Variants in TRAPPC9 observed in about 807,000 individuals in gnomAD.
TRAPPC9 encodes IKK2 binding protein.
A neutral mutation model predicts 124.0 loss-of-function variants in TRAPPC9; 83 were observed. The ratio of observed to expected loss-of-function variants is 0.67; its 90% CI spans 0.56 to 0.80. The LOEUF (loss-of-function observed/expected upper bound fraction) is 0.80. Ranked by LOEUF, TRAPPC9 falls within the 30% of genes least tolerant of loss-of-function variation. The pLI, the probability that TRAPPC9 is intolerant of heterozygous loss-of-function variation, is 0.00. For synonymous variants in TRAPPC9, 638 were observed against 617.5 expected, an observed-to-expected ratio of 1.03 and a Z score of -0.49; for missense variants, 1,302 against 1,508.3, an observed-to-expected ratio of 0.86 and a Z score of 2.27.
chr8:140,417,562 C>A (rs1252918821), intron 5 of TRAPPC9, among the ~76,000 whole-genome samples: 2 of 152,204 alleles, frequency 1.3e-5, no homozygotes, highest in Non-Finnish European at 2.9e-5. Context: ...CAGGAAACAA[C>A]AGATGCTGGA....
At position 139,729,437 on chromosome 8, in the gene TRAPPC9, G is replaced by C. The variant is rs117498339; in HGVS notation, c.*1624C>G. On this transcript the variant is annotated 3_prime_UTR_variant, in exon 23 of 23. Coordinates refer to ENST00000438773, the MANE Select transcript of TRAPPC9 (RefSeq NM_001160372.4). The stretch of plus-strand genomic sequence containing the variant: ...CCTGAACGGAAGGGCTGAAGAGACC[G>C]CCCTGGGGTCTCCACCCCCTACTGC... Among the ~76,000 whole-genome samples, 1 of 152,182 alleles carries C rather than the reference G, an allele frequency of 6.6e-6. No homozygotes were observed.
chr8:140,350,283 C>T (rs941712571), intron 9 of TRAPPC9, among the ~76,000 whole-genome samples: 1 of 152,210 alleles, frequency 6.6e-6, no homozygotes, highest in Non-Finnish European at 1.5e-5. Context: ...CCACTTCCAC[C>T]CTCCATCAAG....
chr8:140,430,164 G>T (rs994307471), intron 4 of TRAPPC9, among the ~76,000 whole-genome samples: 1 of 151,160 alleles, frequency 6.6e-6, no homozygotes, highest in Non-Finnish European at 1.5e-5. Flanking sequence ...AAAAAAAAAT[G>T]TTATCTGTTA....
At chr8:139,986,258 C>A (rs76160629) in intron 19 of TRAPPC9, among the ~76,000 whole-genome samples, 7,299 of 151,708 alleles carry the variant, frequency 0.048, 208 homozygotes, top group African/African-American at 0.076. Context: ...AACAAAAAAC[C>A]AAAAAACAAA....
intron 17 of TRAPPC9, among the ~76,000 whole-genome samples, chr8:140,092,398 T>C (rs1844631580): frequency 6.6e-6 from 1 of 152,192 alleles, no homozygotes; most frequent in African/African-American, 2.4e-5. Context: ...GTTTTCACCA[T>C]GTTGGCCAGG....
At chr8:140,236,120 T>A (rs1010592653) in intron 16 of TRAPPC9, among the ~76,000 whole-genome samples, 4 of 148,576 alleles carry the variant, frequency 2.7e-5, no homozygotes, top group African/African-American at 1.0e-4. Context: ...TCTCACTTTG[T>A]CACCCAGGCT....
chr8:140,135,236 A>G (rs2061279790), intron 17 of TRAPPC9, among the ~76,000 whole-genome samples: 1 of 152,188 alleles, frequency 6.6e-6, no homozygotes, highest in African/African-American at 2.4e-5. Context: ...TGGTGCAACC[A>G]ATGTGGAAAC....
chr8:139,863,275 G>A (rs1050380331), intron 21 of TRAPPC9, among the ~76,000 whole-genome samples: 1 of 152,218 alleles, frequency 6.6e-6, no homozygotes, highest in Non-Finnish European at 1.5e-5. Flanking sequence ...CAGTGAGCAG[G>A]CCTGAGCCCC....
intron 19 of TRAPPC9, among the ~76,000 whole-genome samples, chr8:139,949,864 A>G (rs1198055597): frequency 6.6e-6 from 1 of 152,202 alleles, no homozygotes; most frequent in Non-Finnish European, 1.5e-5. Context: ...CTCAATACCA[A>G]TGAGTTAACG....
At chr8:140,103,204 C>T (rs2060610845) in intron 17 of TRAPPC9, among the ~76,000 whole-genome samples, 1 of 152,200 alleles carries the variant, frequency 6.6e-6, no homozygotes, top group Admixed American at 6.5e-5. Flanking sequence ...CTCTTCCAGA[C>T]CCTCGATGAC....
chr8:140,105,253 C>T (rs1163104713), intron 17 of TRAPPC9, among the ~76,000 whole-genome samples: 1 of 152,180 alleles, frequency 6.6e-6, no homozygotes, highest in African/African-American at 2.4e-5. Flanking sequence ...GTGGTTGACG[C>T]ATAATAAATG....
chr8:139,967,801 T>C (rs1835798939), intron 19 of TRAPPC9, among the ~76,000 whole-genome samples: 1 of 152,194 alleles, frequency 6.6e-6, no homozygotes, highest in African/African-American at 2.4e-5. Context: ...AACTGTATAA[T>C]AAAACAGGTT....
chr8:140,300,621 T>C lies in TRAPPC9; in HGVS notation c.1623-7A>G. ...GTTCAATAGTTTCACATGCCTGTTG[T>C]TTCAAACAGAACACAAATACTTCAA... On this transcript the variant is annotated splice_polypyrimidine_tract_variant and splice_region_variant and intron_variant, in intron 10 of 22. Transcript: ENST00000438773. 5 of 1,614,198 alleles carry C rather than the reference T, an allele frequency of 3.1e-6. No individual in the cohort carries two copies. Among genetic ancestry groups the C allele is most frequent in the Non-Finnish European group, 4.2e-6 (5 of 1,180,028 alleles).
chr8:140,240,320 G>T (rs191973870), intron 16 of TRAPPC9, among the ~76,000 whole-genome samples: 16 of 152,280 alleles, frequency 1.1e-4, no homozygotes, highest in African/African-American at 3.4e-4. Flanking sequence ...CTACTAAATT[G>T]TGTAATGCAA....
rs146764624 is a variant in TRAPPC9 at position 139,758,125 on chromosome 8, G to GT, written c.3056-25924dup. 4.0e-3 allele frequency among the ~76,000 whole-genome samples: 615 copies of GT among 152,338 alleles called. 9 individuals are homozygous for GT. Among genetic ancestry groups the GT allele is most frequent in the African/African-American group, 0.015 (603 of 41,578 alleles). On this transcript the variant is annotated intron_variant, in intron 21 of 22. Transcript: ENST00000438773. ...CTTCTTCCACTTGGAAGGGAATCCC[G>GT]TGACAGCGGGGAGGCCAAGCGCTCG... is the stretch of plus-strand genomic sequence containing the variant.
intron 19 of TRAPPC9, among the ~76,000 whole-genome samples, chr8:139,917,256 C>T (rs1387918202): frequency 7.2e-6 from 1 of 139,394 alleles, no homozygotes; most frequent in Non-Finnish European, 1.5e-5. Context: ...TTACTGCAAG[C>T]TCCGCCTCCC....
chr8:139,861,946 C>T (rs1346164083), intron 21 of TRAPPC9, among the ~76,000 whole-genome samples: 3 of 151,898 alleles, frequency 2.0e-5, no homozygotes, highest in Non-Finnish European at 4.4e-5. Context: ...TTTGTGTCCA[C>T]GTGTTTTTAT....
intron 17 of TRAPPC9, among the ~76,000 whole-genome samples, chr8:140,165,559 A>T (rs1563811140): frequency 7.9e-6 from 1 of 126,454 alleles, no homozygotes; most frequent in African/African-American, 3.0e-5. Flanking sequence ...AATGAAAGAA[A>T]GGGAAGGGAA....
intron 8 of TRAPPC9, among the ~76,000 whole-genome samples, chr8:140,367,701 G>C (rs2068160594): frequency 6.6e-6 from 1 of 152,210 alleles, no homozygotes; most frequent in Non-Finnish European, 1.5e-5. Context: ...ACACCACCAA[G>C]AGTGAACCCT....
Sources: allele counts gnomAD v4.1 joint callset (sites outside exome capture counted in the v4.1 genomes callset), GRCh38; gene constraint gnomAD v4.1.1; transcripts MANE v1.5; gene names NCBI Gene and HGNC (gene_info 2026-07-23, HGNC 2026-07-21).